SLC9A4: variants seen among roughly 807,000 people sequenced by gnomAD.
SLC9A4 encodes the protein solute carrier family 9 member A4.
Under a neutral mutation model 67.4 loss-of-function variants are expected in SLC9A4, and 63 were observed. The ratio of observed to expected loss-of-function variants is 0.93; its 90% CI spans 0.76 to 1.15. The LOEUF (loss-of-function observed/expected upper bound fraction) is 1.15, where lower values mean the gene tolerates loss of function less well. Ranked by LOEUF, SLC9A4 falls within the 50% of genes most tolerant of loss-of-function variation. The pLI is 0.00. For missense variants in SLC9A4, 1,089 were observed against 987.7 expected (o/e 1.10, Z -1.38); for synonymous variants, 393 against 367.2 (o/e 1.07, Z -0.80).
intron 2 of SLC9A4, among the ~76,000 whole-genome samples, chr2:102,495,817 A>G (rs1471524014): frequency 6.6e-6 from 1 of 152,162 alleles, no homozygotes; most frequent in Non-Finnish European, 1.5e-5. Context: ...CATGTGGAAA[A>G]CATGAAAATC....
intron 8 of SLC9A4, among the ~76,000 whole-genome samples, chr2:102,515,765 A>G (rs1190385407): frequency 6.6e-6 from 1 of 152,042 alleles, no homozygotes; most frequent in Non-Finnish European, 1.5e-5. Flanking sequence ...TGCATTTGAC[A>G]CCTTTGATCC....
At position 102,475,017 on chromosome 2, in the gene SLC9A4, G is replaced by A. The variant is rs373561721; in HGVS notation, c.256+1002G>A. Reference sequence around the variant, plus strand: ...CTTAGCTCCCTCCCTGTGGGTGTGGGGACACTGGTATAGGTGTCCCCTTTA... The same window carrying A: ...CTTAGCTCCCTCCCTGTGGGTGTGGAGACACTGGTATAGGTGTCCCCTTTA... On this transcript the variant is annotated intron_variant, in intron 1 of 11. Coordinates refer to ENST00000295269, the MANE Select transcript of SLC9A4 (RefSeq NM_001011552.4). 1.6e-4 allele frequency among the ~76,000 whole-genome samples: 25 copies of A among 152,184 alleles called. 1 individual carries two copies. The South Asian group carries it at 5.0e-3, about 30-fold the overall frequency.
intron 4 of SLC9A4, 121 bp downstream of exon 4, chr2:102,505,592 A>G (rs1685035012): frequency 8.7e-6 from 8 of 915,718 alleles, no homozygotes; most frequent in Non-Finnish European, 1.3e-5. Flanking sequence ...CGGTTAGGGT[A>G]GACTAGGAAC....
intron 2 of SLC9A4, among the ~76,000 whole-genome samples, chr2:102,487,380 C>A (rs977288538): frequency 3.3e-5 from 5 of 152,098 alleles, no homozygotes; most frequent in African/African-American, 1.2e-4. Flanking sequence ...TTGCAGGGGG[C>A]AGAGGTTCAC....
At chr2:102,483,724 T>C (rs927825755) in intron 2 of SLC9A4, among the ~76,000 whole-genome samples, 2 of 150,888 alleles carry the variant, frequency 1.3e-5, no homozygotes, top group African/African-American at 4.9e-5. Flanking sequence ...CCCGCCACTA[T>C]ACACAAATGG....
At chr2:102,481,326 G>A (rs1684457404) in intron 2 of SLC9A4, among the ~76,000 whole-genome samples, 1 of 152,054 alleles carries the variant, frequency 6.6e-6, no homozygotes, top group Non-Finnish European at 1.5e-5. Context: ...TTTCCTTAAT[G>A]TTTTCTAATG....
chr2:102,496,966 C>T (rs1684822979), intron 2 of SLC9A4, among the ~76,000 whole-genome samples: 1 of 152,164 alleles, frequency 6.6e-6, no homozygotes, highest in Non-Finnish European at 1.5e-5. Flanking sequence ...CACTGTGTTG[C>T]CCAGGCTGGA....
intron 8 of SLC9A4, among the ~76,000 whole-genome samples, chr2:102,516,259 AT>A (rs923996950): frequency 6.6e-5 from 10 of 151,584 alleles, no homozygotes; most frequent in African/African-American, 1.9e-4. Flanking sequence ...GTACGAGATA[AT>A]TTTTTTTTCC....
At chr2:102,509,706 C>T (rs1331379733) in intron 6 of SLC9A4, among the ~76,000 whole-genome samples, 1 of 152,200 alleles carries the variant, frequency 6.6e-6, no homozygotes, top group Non-Finnish European at 1.5e-5. Context: ...CTCAGTGAGG[C>T]TCTGGGTATA....
intron 11 of SLC9A4, among the ~76,000 whole-genome samples, chr2:102,527,159 C>T (rs191048618): frequency 1.5e-3 from 223 of 152,216 alleles, no homozygotes; most frequent in African/African-American, 4.9e-3. Flanking sequence ...AAAGCATTTG[C>T]AACCCTAATG....
At chr2:102,491,712 C>G (rs766754829) in intron 2 of SLC9A4, among the ~76,000 whole-genome samples, 1 of 152,108 alleles carries the variant, frequency 6.6e-6, no homozygotes, top group Non-Finnish European at 1.5e-5. Flanking sequence ...CCGCTGTCCC[C>G]TCCCAAATCT....
chr2:102,483,174 C>T (rs1054092759), intron 2 of SLC9A4, among the ~76,000 whole-genome samples: 3 of 152,218 alleles, frequency 2.0e-5, no homozygotes, highest in Non-Finnish European at 2.9e-5. Flanking sequence ...GCTGCTGTTG[C>T]GTTGGCTCCG....
Position 102,473,697 on chromosome 2 carries a change from T to C in SLC9A4, c.-63T>C. 6.3e-7 allele frequency: 1 copy of C among 1,581,494 alleles called. No homozygotes were observed. The highest frequency in any genetic ancestry group is 8.6e-7 in the Non-Finnish European group (1 of 1,165,442). ...TGGATGCAGTCACTCTCTAGAAGCC[T>C]CCCCGACTTCAGATGTGTGGCACAC... On this transcript the variant is annotated 5_prime_UTR_variant, in exon 1 of 12. Coordinates refer to ENST00000295269, the MANE Select transcript of SLC9A4 (RefSeq NM_001011552.4).
Position 102,504,855 on chromosome 2 carries a change from T to C in SLC9A4, c.981-399T>C, listed in dbSNP as rs184756275. Among the ~76,000 whole-genome samples, 347 of 152,334 alleles carry C rather than the reference T, an allele frequency of 2.3e-3. 2 individuals carry two copies. The highest frequency in any genetic ancestry group is 7.4e-3 in the African/African-American group (308 of 41,574). ...CTTAGAAGTTTTGATCATTTATGGT[T>C]GGATTGGAGGAAATGAGAACCTTGA... is the stretch of plus-strand genomic sequence containing the variant. On this transcript the variant is annotated intron_variant, in intron 3 of 11. Transcript: ENST00000295269.
At chr2:102,525,676 G>T (rs889716837) in intron 10 of SLC9A4, among the ~76,000 whole-genome samples, 4 of 152,080 alleles carry the variant, frequency 2.6e-5, no homozygotes, top group African/African-American at 9.7e-5. Flanking sequence ...TTGAATGGAG[G>T]CTGGGTGAGA....
At position 102,532,797 on chromosome 2, in the gene SLC9A4, G is replaced by A; in HGVS notation, c.*109G>A. 1 of 1,193,950 alleles carries A rather than the reference G, an allele frequency of 8.4e-7. No individual in the cohort carries two copies. The highest frequency in any genetic ancestry group is 1.2e-6 in the Non-Finnish European group (1 of 859,228). 74.0% of individuals were successfully genotyped at this position (1,193,950 alleles called of 1,614,324 possible). On this transcript the variant is annotated 3_prime_UTR_variant, in exon 12 of 12. Coordinates refer to ENST00000295269, the MANE Select transcript of SLC9A4 (RefSeq NM_001011552.4). ...AGAGAGCTATTGAGTTTGCTGTGTT[G>A]AAGCTATTAAACATGGATCTATAAG... is the stretch of plus-strand genomic sequence containing the variant.
chr2:102,483,115 G>A (rs1684502003), intron 2 of SLC9A4, among the ~76,000 whole-genome samples: 1 of 152,162 alleles, frequency 6.6e-6, no homozygotes, highest in Admixed American at 6.5e-5. Context: ...TAATTTTCAA[G>A]CTACCGGAGT....
At chr2:102,500,197 G>A (rs1307224108) in intron 2 of SLC9A4, among the ~76,000 whole-genome samples, 1 of 152,140 alleles carries the variant, frequency 6.6e-6, no homozygotes, top group Non-Finnish European at 1.5e-5. Context: ...GAGAAGACCA[G>A]GTGAAGACGC....
At chr2:102,525,513 C>T (rs1394735262) in intron 10 of SLC9A4, among the ~76,000 whole-genome samples, 6 of 151,262 alleles carry the variant, frequency 4.0e-5, no homozygotes, top group Non-Finnish European at 1.5e-5. Context: ...GGGTCTGGAC[C>T]AGACCCTCTG....
Sources: gnomAD v4.1 joint callset for allele counts (sites outside exome capture counted in the v4.1 genomes callset) on GRCh38, gnomAD v4.1.1 for gene constraint, MANE v1.5 for transcripts, NCBI Gene and HGNC (gene_info 2026-07-23, HGNC 2026-07-21) for gene names.